The following UNC79 variants were observed in gnomAD, a reference collection of about 807,000 sequenced individuals.
UNC79 encodes the protein unc-79 subunit of NALCN channel complex.
A neutral mutation model predicts 283.1 loss-of-function variants in UNC79; 37 were observed. The ratio of observed to expected loss-of-function variants is 0.13; its 90% CI spans 0.10 to 0.17. The LOEUF is 0.17. Ranked by LOEUF, UNC79 falls within the 10% of genes least tolerant of loss-of-function variation. The pLI, the probability that UNC79 is intolerant of heterozygous loss-of-function variation, is 1.00. For missense variants in UNC79, 2,272 were observed against 3,211.1 expected (o/e 0.71, Z 7.07); for synonymous variants, 1,107 against 1,200.2 (o/e 0.92, Z 1.61).
intron 1 of UNC79, among the ~76,000 whole-genome samples, chr14:93,356,387 G>T (rs543705525): frequency 1.3e-5 from 2 of 152,274 alleles, no homozygotes; most frequent in East Asian, 3.9e-4. Flanking sequence ...ATTGATGTGG[G>T]TTCACCCAAT....
At position 93,558,636 on chromosome 14, in the gene UNC79, T is replaced by A. The variant is rs2062349396; in HGVS notation, c.1756-13258T>A. Among the ~76,000 whole-genome samples, 3 of 98,694 alleles carry A rather than the reference T, an allele frequency of 3.0e-5. No individual in the cohort carries two copies. In the East Asian group the frequency reaches 9.0e-4, roughly 30 times the overall value. The allele number at this position is 98,694 out of a possible 152,430, so 64.7% of individuals were successfully genotyped here. ...TTTTTTTTTTTTTTTTTTTTTTTTT[T>A]TACCATTTACTTAACTGGTTTGCAC... On this transcript the variant is annotated intron_variant, in intron 14 of 48. Transcript: ENST00000555664.
At chr14:93,494,248 A>G (rs1191962876) in intron 5 of UNC79, among the ~76,000 whole-genome samples, 1 of 152,002 alleles carries the variant, frequency 6.6e-6, no homozygotes, top group Admixed American at 6.6e-5. Context: ...TGAGAACAGC[A>G]CCAAAGGGAT....
intron 11 of UNC79, among the ~76,000 whole-genome samples, chr14:93,537,392 A>T (rs1350992993): frequency 2.0e-5 from 3 of 152,238 alleles, no homozygotes; most frequent in African/African-American, 7.2e-5. Context: ...TGGTCTTCAC[A>T]GAGTGCCGGT....
Position 93,659,298 on chromosome 14 carries a change from G to A in UNC79, c.6525+37G>A, listed in dbSNP as rs371220054. ...TCAGAAAAACATAACCAATTGGTTA[G>A]TCAGTTTTTTTTAACCTAATGAGAT... On this transcript the variant is annotated intron_variant, in intron 39 of 48. Transcript: ENST00000555664. The A allele has an allele frequency of 1.9e-6, 3 of 1,554,186 alleles. No individual in the cohort carries two copies. In the African/African-American group the frequency reaches 4.1e-5, roughly 21 times the overall value.
Position 93,652,641 on chromosome 14 carries a change from G to A in UNC79, c.6084-1101G>A, listed in dbSNP as rs182743420. Among the ~76,000 whole-genome samples the A allele has an allele frequency of 1.3e-4, 20 of 152,176 alleles. No homozygotes were observed. The East Asian group carries it at 1.4e-3, about 10-fold the overall frequency. On this transcript the variant is annotated intron_variant, in intron 35 of 48. Transcript: ENST00000555664. ...CTATTGAGATATAAGCTTTTTGTCC[G>A]TTATTTCTTAATATATTGAATTATA...
Position 93,575,051 on chromosome 14 carries a change from TC to T in UNC79, c.2071-4del, listed in dbSNP as rs781555909. The T allele has an allele frequency of 6.3e-7, 1 of 1,593,966 alleles. No homozygotes were observed. The highest frequency in any genetic ancestry group is 1.8e-5 in the Admixed American group (1 of 54,910). On this transcript the variant is annotated splice_polypyrimidine_tract_variant and splice_region_variant and intron_variant, in intron 16 of 48. Coordinates refer to ENST00000555664, the Ensembl canonical transcript of UNC79. Reference sequence around the variant, plus strand: ...TTTTTTGGGGGATATATGCCTTTTTTCCCTAGGTATTATCGGAGTTAGATAT... The same window carrying T: ...TTTTTTGGGGGATATATGCCTTTTTTCCTAGGTATTATCGGAGTTAGATAT...
intron 1 of UNC79, among the ~76,000 whole-genome samples, chr14:93,384,860 A>G (rs978391680): frequency 1.3e-5 from 2 of 152,164 alleles, no homozygotes. Flanking sequence ...ATTTTTGTGT[A>G]TGGTAAGAAG....
At chr14:93,439,091 G>A (rs2056199616) in intron 1 of UNC79, among the ~76,000 whole-genome samples, 1 of 151,908 alleles carries the variant, frequency 6.6e-6, no homozygotes, top group African/African-American at 2.4e-5. Flanking sequence ...TCTTTTTGTA[G>A]TCATTTTTCC....
At chr14:93,465,798 T>A (rs2057152663) in intron 1 of UNC79, among the ~76,000 whole-genome samples, 1 of 152,202 alleles carries the variant, frequency 6.6e-6, no homozygotes, top group Non-Finnish European at 1.5e-5. Flanking sequence ...ATGGTATTCC[T>A]GAAATACTCT....
At chr14:93,432,392 C>T (rs777295466) in intron 1 of UNC79, among the ~76,000 whole-genome samples, 3 of 152,166 alleles carry the variant, frequency 2.0e-5, no homozygotes, top group African/African-American at 4.8e-5. Flanking sequence ...TAATTGACCT[C>T]TCTGAACTTT....
At chr14:93,703,595 T>A (rs1948682630) in intron 47 of UNC79, among the ~76,000 whole-genome samples, 1 of 152,206 alleles carries the variant, frequency 6.6e-6, no homozygotes, top group Non-Finnish European at 1.5e-5. Context: ...CATTTCCAAA[T>A]AAGGTCACAT....
chr14:93,422,089 G>A (rs963383699), intron 1 of UNC79, among the ~76,000 whole-genome samples: 1 of 151,762 alleles, frequency 6.6e-6, no homozygotes, highest in African/African-American at 2.4e-5. Flanking sequence ...ACACCCTCAG[G>A]AGGTCCTGAT....
chr14:93,656,335 C>T (rs1028539323), intron 38 of UNC79, among the ~76,000 whole-genome samples: 3 of 152,034 alleles, frequency 2.0e-5, no homozygotes, highest in Admixed American at 6.6e-5. Context: ...CAGGGCATAG[C>T]GGCTCATGCC....
chr14:93,527,079 G>T (rs2060581338), intron 8 of UNC79, among the ~76,000 whole-genome samples: 1 of 152,158 alleles, frequency 6.6e-6, no homozygotes. Context: ...AGTTGTAATA[G>T]GATTAAATGT....
intron 1 of UNC79, among the ~76,000 whole-genome samples, chr14:93,452,661 T>G (rs184058502): frequency 1.3e-5 from 2 of 152,162 alleles, no homozygotes; most frequent in South Asian, 4.1e-4. Context: ...GTGCTGGGAT[T>G]GCAGGAATGA....
chr14:93,431,168 G>C (rs2055858064), intron 1 of UNC79, 117 bp downstream of exon 1: 1 of 447,928 alleles, frequency 2.2e-6, no homozygotes, highest in African/African-American at 2.2e-5. Context: ...TGGGGGCTGA[G>C]GTTGGGGCGG....
intron 27 of UNC79, among the ~76,000 whole-genome samples, chr14:93,613,301 C>CGTGTGT (rs200301706): frequency 7.8e-4 from 114 of 146,842 alleles, no homozygotes; most frequent in African/African-American, 2.5e-3. Context: ...AGACTGCATG[C>CGTGTGT]GTGTGTGTGT....
At chr14:93,543,523 C>T (rs1595812631) in intron 14 of UNC79, among the ~76,000 whole-genome samples, 1 of 152,026 alleles carries the variant, frequency 6.6e-6, no homozygotes, top group East Asian at 1.9e-4. Context: ...ATCACCACAT[C>T]CATCTAATTA....
intron 14 of UNC79, among the ~76,000 whole-genome samples, chr14:93,561,388 G>A (rs184038376): frequency 1.3e-5 from 2 of 152,286 alleles, no homozygotes; most frequent in East Asian, 3.9e-4. Context: ...GGGAGGTCTT[G>A]CTGGACCTGT....
Sources: allele counts gnomAD v4.1 joint callset (sites outside exome capture counted in the v4.1 genomes callset), GRCh38; gene constraint gnomAD v4.1.1; transcripts MANE v1.5; gene names NCBI Gene and HGNC (gene_info 2026-07-23, HGNC 2026-07-21).